Variants in SUMF1 observed in about 807,000 individuals in gnomAD.
SUMF1 encodes the protein formylglycine-generating enzyme.
In SUMF1, 48 loss-of-function variants were observed where a neutral mutation model predicts 47.6. The observed-to-expected ratio is 1.01, with a 90% CI of 0.80 to 1.28. SUMF1 has a LOEUF of 1.28. Ranked by LOEUF, SUMF1 falls within the 50% of genes most tolerant of loss-of-function variation. SUMF1 has a pLI of 0.00. For missense variants in SUMF1, 571 were observed against 485.4 expected, an observed-to-expected ratio of 1.18 and a Z score of -1.66; for synonymous variants, 230 against 192.1, an observed-to-expected ratio of 1.20 and a Z score of -1.63.
chr3:4,174,006 A>G (rs1694897778), intron 8 of SUMF1, among the ~76,000 whole-genome samples: 1 of 152,148 alleles, frequency 6.6e-6, no homozygotes, highest in Non-Finnish European at 1.5e-5. Context: ...CTGCACATGT[A>G]TCTGCACATG....
chr3:4,451,876 G>A (rs1702982290), intron 2 of SUMF1, among the ~76,000 whole-genome samples: 1 of 152,002 alleles, frequency 6.6e-6, no homozygotes, highest in African/African-American at 2.4e-5. Flanking sequence ...GTAGAGACGG[G>A]GTTTCACCGT....
intron 8 of SUMF1, among the ~76,000 whole-genome samples, chr3:4,335,224 C>T (rs370100024): frequency 6.6e-6 from 1 of 152,136 alleles, no homozygotes; most frequent in Non-Finnish European, 1.5e-5. Flanking sequence ...GCATTTTCCA[C>T]CTTTAAACTC....
At chr3:4,256,744 T>A (rs1208488282) in intron 8 of SUMF1, among the ~76,000 whole-genome samples, 1 of 152,078 alleles carries the variant, frequency 6.6e-6, no homozygotes, top group Non-Finnish European at 1.5e-5. Context: ...GAGGGAATCC[T>A]CCCTAACTCA....
intron 8 of SUMF1, among the ~76,000 whole-genome samples, chr3:4,230,214 T>C (rs1253056476): frequency 6.6e-6 from 1 of 152,016 alleles, no homozygotes; most frequent in Non-Finnish European, 1.5e-5. Context: ...CACCAACCAG[T>C]TGTCCTGCAG....
intron 8 of SUMF1, among the ~76,000 whole-genome samples, chr3:4,115,202 A>G (rs1693394758): frequency 6.6e-6 from 1 of 152,014 alleles, no homozygotes; most frequent in African/African-American, 2.4e-5. Context: ...GCAGGACGAC[A>G]TGGAATTCGG....
chr3:4,398,429 A>G (rs1701106109), intron 7 of SUMF1, among the ~76,000 whole-genome samples: 1 of 152,204 alleles, frequency 6.6e-6, no homozygotes, highest in South Asian at 2.1e-4. Flanking sequence ...TTTGGTAACA[A>G]AAAAAGATAA....
At chr3:4,457,983 T>C (rs1407589181) in intron 1 of SUMF1, among the ~76,000 whole-genome samples, 1 of 152,164 alleles carries the variant, frequency 6.6e-6, no homozygotes, top group Non-Finnish European at 1.5e-5. Context: ...TTGCAAACCA[T>C]GCATCTTATA....
intron 8 of SUMF1, among the ~76,000 whole-genome samples, chr3:4,264,377 T>C (rs555103388): frequency 6.6e-6 from 1 of 152,330 alleles, no homozygotes; most frequent in African/African-American, 2.4e-5. Context: ...GTTCATATTA[T>C]GCCTCTTCAA....
chr3:4,224,491 G>A (rs1696133306), intron 8 of SUMF1, among the ~76,000 whole-genome samples: 1 of 152,024 alleles, frequency 6.6e-6, no homozygotes. Context: ...AGAGCTCACA[G>A]AGATAGACAG....
intron 8 of SUMF1, among the ~76,000 whole-genome samples, chr3:4,282,407 CTCT>C (rs1697547130): frequency 6.6e-6 from 1 of 152,188 alleles, no homozygotes; most frequent in Non-Finnish European, 1.5e-5. Context: ...TAATACACTG[CTCT>C]TCTTAATTTC....
At chr3:4,121,037 CG>C (rs1693529318) in intron 8 of SUMF1, among the ~76,000 whole-genome samples, 1 of 152,042 alleles carries the variant, frequency 6.6e-6, no homozygotes, top group Non-Finnish European at 1.5e-5. Context: ...CTTACTTTAC[CG>C]GATGGAAAAA....
At chr3:4,260,649 C>T (rs894879041) in intron 8 of SUMF1, among the ~76,000 whole-genome samples, 1 of 152,050 alleles carries the variant, frequency 6.6e-6, no homozygotes, top group African/African-American at 2.4e-5. Context: ...GCATGAGAAT[C>T]GCCTGAACCC....
chr3:4,230,277 G>T (rs1333715509), intron 8 of SUMF1, among the ~76,000 whole-genome samples: 1 of 152,030 alleles, frequency 6.6e-6, no homozygotes, highest in Non-Finnish European at 1.5e-5. Context: ...CAGGTTTAAA[G>T]GTTCAGTCCC....
intron 3 of SUMF1, among the ~76,000 whole-genome samples, chr3:4,443,242 A>C (rs2125107409): frequency 6.6e-6 from 1 of 152,138 alleles, no homozygotes; most frequent in Admixed American, 6.5e-5. Context: ...TGCACACCGC[A>C]CTCTAGCCTT....
rs564654759 is a variant in SUMF1 at position 4,317,257 on chromosome 3, T to C, written c.1014+59073A>G. 3.3e-6 allele frequency: 5 copies of C among 1,506,044 alleles called. No individual in the cohort carries two copies. The South Asian group carries it at 3.7e-5, about 11-fold the overall frequency. The allele number at this position is 1,506,044 out of a possible 1,614,324, so 93.3% of individuals were successfully genotyped here. On this transcript the variant is annotated intron_variant and NMD_transcript_variant, in intron 8 of 12. Transcript: ENST00000448413. Reference sequence around the variant, plus strand: ...TCCTATTTTGATTAATAAAAATGCGTTGAGCCTAGTTATAATGATTTAAAA... The same window carrying C: ...TCCTATTTTGATTAATAAAAATGCGCTGAGCCTAGTTATAATGATTTAAAA...
intron 8 of SUMF1, among the ~76,000 whole-genome samples, chr3:4,228,419 G>A (rs897839647): frequency 6.6e-6 from 1 of 151,866 alleles, no homozygotes; most frequent in African/African-American, 2.4e-5. Context: ...TCTGGTAGCA[G>A]ATGGCAAGTG....
At chr3:4,147,784 C>T (rs1431268216) in intron 8 of SUMF1, among the ~76,000 whole-genome samples, 1 of 152,100 alleles carries the variant, frequency 6.6e-6, no homozygotes, top group Admixed American at 6.5e-5. Flanking sequence ...GTATACCTAA[C>T]CCAGCAGAAT....
At chr3:4,281,051 G>A (rs1441214080) in intron 8 of SUMF1, among the ~76,000 whole-genome samples, 1 of 151,992 alleles carries the variant, frequency 6.6e-6, no homozygotes, top group Non-Finnish European at 1.5e-5. Flanking sequence ...GGGGGTCGGG[G>A]GGCCACAAAT....
At chr3:4,243,060 A>G (rs930763294) in intron 8 of SUMF1, among the ~76,000 whole-genome samples, 3 of 152,096 alleles carry the variant, frequency 2.0e-5, no homozygotes, top group Non-Finnish European at 4.4e-5. Flanking sequence ...AGAGGTGTTT[A>G]TAGTATTCTC....
Sources: gnomAD v4.1 joint callset for allele counts (sites outside exome capture counted in the v4.1 genomes callset) on GRCh38, gnomAD v4.1.1 for gene constraint, MANE v1.5 for transcripts, NCBI Gene and HGNC (gene_info 2026-07-23, HGNC 2026-07-21) for gene names.